PHACTR2: variants seen among roughly 807,000 people sequenced by gnomAD.
The protein encoded by PHACTR2 is phosphatase and actin regulator 2.
PHACTR2 carries 30 observed loss-of-function variants against 76.0 expected under a neutral mutation model. The observed-to-expected ratio is 0.39, with a 90% CI of 0.30 to 0.54. The LOEUF is 0.54. Ranked by LOEUF, PHACTR2 falls within the 20% of genes least tolerant of loss-of-function variation. The pLI is 0.61. For missense variants in PHACTR2, 696 were observed against 781.1 expected, an observed-to-expected ratio of 0.89 and a Z score of 1.30; for synonymous variants, 292 against 292.5, an observed-to-expected ratio of 1.00 and a Z score of 0.02.
intron 1 of PHACTR2, among the ~76,000 whole-genome samples, chr6:143,661,687 C>T (rs1227778820): frequency 1.3e-5 from 2 of 151,756 alleles, no homozygotes; most frequent in Non-Finnish European, 2.9e-5. Context: ...TCCCAAGTAG[C>T]TGGGACTACA....
chr6:143,798,236 G>A (rs576487555), intron 11 of PHACTR2, among the ~76,000 whole-genome samples: 1 of 152,244 alleles, frequency 6.6e-6, no homozygotes, highest in East Asian at 1.9e-4. Context: ...TGTGATTTTT[G>A]CACATTGATT....
chr6:143,605,571 G>A (rs1370120210), upstream of PHACTR2, among the ~76,000 whole-genome samples: 1 of 152,156 alleles, frequency 6.6e-6, no homozygotes, highest in Non-Finnish European at 1.5e-5. This position sits in a 1 kb window ranked among gnomAD's most constrained non-coding sequence, Gnocchi z 5.0. Flanking sequence ...CAGTGGTGGA[G>A]CCAGTTACCA....
intron 6 of PHACTR2, among the ~76,000 whole-genome samples, chr6:143,768,913 T>G (rs1775027467): frequency 6.6e-6 from 1 of 152,226 alleles, no homozygotes; most frequent in Admixed American, 6.5e-5. Context: ...TGCTCTTGAA[T>G]TAATGAACCT....
chr6:143,661,502 A>G (rs1477835483), intron 1 of PHACTR2, among the ~76,000 whole-genome samples: 1 of 152,018 alleles, frequency 6.6e-6, no homozygotes, highest in African/African-American at 2.4e-5. Flanking sequence ...TAAAATAAAA[A>G]AGCTTTTAGG....
At chr6:143,569,238 C>T (rs1775410315) in intron 1 of PHACTR2, among the ~76,000 whole-genome samples, 1 of 152,148 alleles carries the variant, frequency 6.6e-6, no homozygotes, top group South Asian at 2.1e-4. Flanking sequence ...GAAGCTCGTG[C>T]ATAATTCTCC....
chr6:143,631,201 G>A (rs960706196), intron 1 of PHACTR2, among the ~76,000 whole-genome samples: 1 of 151,832 alleles, frequency 6.6e-6, no homozygotes, highest in African/African-American at 2.4e-5. Flanking sequence ...TTATTCATTT[G>A]TTTTTTAGAG....
chr6:143,593,263 G>T (rs937292623), intron 1 of PHACTR2, among the ~76,000 whole-genome samples: 2 of 152,086 alleles, frequency 1.3e-5, no homozygotes, highest in Admixed American at 1.3e-4. Flanking sequence ...TGGCCAGACA[G>T]TTGCTATGCC....
rs1778106269 is a variant in PHACTR2 at position 143,708,748 on chromosome 6, G to A, written c.47-3268G>A. Among the ~76,000 whole-genome samples, 1 of 152,142 alleles carries A rather than the reference G, an allele frequency of 6.6e-6. No individual in the cohort carries two copies. Among genetic ancestry groups the A allele is most frequent in the South Asian group, 2.1e-4 (1 of 4,826 alleles). ...TTAAGAGAAGTACAATGGCACATCG[G>A]CCAACTGTGCCAACATATGGTTTCT... On this transcript the variant is annotated intron_variant, in intron 1 of 12. Transcript: ENST00000440869. This position sits in a 1 kb window ranked among gnomAD's most constrained non-coding sequence, Gnocchi z 5.5.
At chr6:143,676,942 C>T (rs1031181886), upstream of PHACTR2, among the ~76,000 whole-genome samples, 1 of 151,834 alleles carries the variant, frequency 6.6e-6, no homozygotes. This position sits in a 1 kb window ranked among gnomAD's most constrained non-coding sequence, Gnocchi z 4.8. Flanking sequence ...AGGCTCTGCA[C>T]GATCTTAATA....
chr6:143,642,204 A>G (rs2128444276), intron 1 of PHACTR2, among the ~76,000 whole-genome samples: 1 of 152,272 alleles, frequency 6.6e-6, no homozygotes, highest in Non-Finnish European at 1.5e-5. Flanking sequence ...ATTATTTGTA[A>G]TTTCCTCTTG....
rs1275065569 is a variant in PHACTR2 at position 143,822,294 on chromosome 6, C to G, written c.1923-1380C>G. Among the ~76,000 whole-genome samples, 2 of 152,202 alleles carry G rather than the reference C, an allele frequency of 1.3e-5. No homozygotes were observed. The highest frequency in any genetic ancestry group is 2.9e-5 in the Non-Finnish European group (2 of 68,036). Reference sequence around the variant, plus strand: ...CCTCCCACCTCAACCTCCCAAGCAGCTGGGATTACAGGTGTATGCTACCAT... The same window carrying G: ...CCTCCCACCTCAACCTCCCAAGCAGGTGGGATTACAGGTGTATGCTACCAT... On this transcript the variant is annotated intron_variant, in intron 12 of 12. Coordinates refer to ENST00000440869, the MANE Select transcript of PHACTR2 (RefSeq NM_001100164.2). The surrounding 1 kb of genome is among the most constrained non-coding windows in gnomAD (Gnocchi z 5.5).
chr6:143,768,597 T>C (rs1412552507), intron 6 of PHACTR2, among the ~76,000 whole-genome samples: 1 of 152,228 alleles, frequency 6.6e-6, no homozygotes, highest in East Asian at 1.9e-4. Context: ...TCCACAAATA[T>C]TTAAGGAGTT....
chr6:143,586,203 T>C (rs1301020689), intron 1 of PHACTR2, among the ~76,000 whole-genome samples: 1 of 134,972 alleles, frequency 7.4e-6, no homozygotes, highest in Admixed American at 7.2e-5. Context: ...GCTGCAAGTG[T>C]AGAAAAAGAG....
At chr6:143,804,134 G>A (rs76161414) in intron 11 of PHACTR2, among the ~76,000 whole-genome samples, 1,841 of 152,208 alleles carry the variant, frequency 0.012, 38 homozygotes, top group African/African-American at 0.043. Flanking sequence ...GGAAGGGCTC[G>A]GCCCAGCAGT....
chr6:143,635,488 G>A (rs549999045), intron 1 of PHACTR2, among the ~76,000 whole-genome samples: 4 of 152,280 alleles, frequency 2.6e-5, no homozygotes, highest in African/African-American at 9.6e-5. Context: ...AGATACTGCC[G>A]AGTTTTCCTT....
Position 143,772,312 on chromosome 6 carries a change from G to A in PHACTR2, c.1287G>A (p.Gly429=), listed in dbSNP as rs753367213. Residue 429 remains glycine, a synonymous_variant, in exon 7 of 13, where the codon GGG becomes GGA. Coordinates refer to ENST00000440869, the MANE Select transcript of PHACTR2 (RefSeq NM_001100164.2). The surrounding 1 kb of genome is among the most constrained non-coding windows in gnomAD (Gnocchi z 5.4). ...CAGTGCCTCAGCTACTGACTCCTGGGCTGATGGGCGAATCTTCAGAATCCT... is the reference window on the plus strand; with the variant it reads ...CAGTGCCTCAGCTACTGACTCCTGGACTGATGGGCGAATCTTCAGAATCCT... The part of the protein sequence containing the change: ...GKTVPQLLTP[G]LMGESSESFS... 3.7e-6 allele frequency: 6 copies of A among 1,613,956 alleles called. No homozygotes were observed. The highest frequency in any genetic ancestry group is 4.2e-6 in the Non-Finnish European group (5 of 1,179,970).
chr6:143,823,663 T>A lies in PHACTR2; in HGVS notation c.1923-11T>A, dbSNP rs1353015414. 6.2e-7 allele frequency: 1 copy of A among 1,610,342 alleles called. No homozygotes were observed. Among genetic ancestry groups the A allele is most frequent in the Non-Finnish European group, 8.5e-7 (1 of 1,176,744 alleles). Reference sequence around the variant, plus strand: ...AGGCCACAGGCTTATAGTTTCTATTTCTTACTCCAGGTTTCATCGTCCATA... The same window carrying A: ...AGGCCACAGGCTTATAGTTTCTATTACTTACTCCAGGTTTCATCGTCCATA... On this transcript the variant is annotated splice_polypyrimidine_tract_variant and intron_variant, in intron 12 of 12. Coordinates refer to ENST00000440869, the MANE Select transcript of PHACTR2 (RefSeq NM_001100164.2). The surrounding 1 kb of genome is among the most constrained non-coding windows in gnomAD (Gnocchi z 5.7).
rs1776905476 is a variant in PHACTR2, at chr6:143,659,271, T to G, written c.13+50949T>G. 6.6e-6 allele frequency among the ~76,000 whole-genome samples: 1 copy of G among 152,232 alleles called. No homozygotes were observed. Among genetic ancestry groups the G allele is most frequent in the Non-Finnish European group, 1.5e-5 (1 of 68,044 alleles). The stretch of plus-strand genomic sequence containing the variant: ...CTTAGCTTATTGTAACTTTTTTACT[T>G]TATAAACTTTAAAAATTTTTTAAAC... On this transcript the variant is annotated intron_variant, in intron 1 of 11. Coordinates refer to the PHACTR2 transcript ENST00000305766. This position sits in a 1 kb window ranked among gnomAD's most constrained non-coding sequence, Gnocchi z 5.0.
upstream of PHACTR2, among the ~76,000 whole-genome samples, chr6:143,676,806 A>C (rs1777257722): frequency 6.6e-6 from 1 of 152,178 alleles, no homozygotes; most frequent in South Asian, 2.1e-4. The surrounding 1 kb of genome is among the most constrained non-coding windows in gnomAD (Gnocchi z 4.8). Context: ...ACAATGGATC[A>C]CACTTTTTTA....
Sources: allele counts gnomAD v4.1 joint callset (sites outside exome capture counted in the v4.1 genomes callset), GRCh38; gene constraint gnomAD v4.1.1; non-coding constraint Gnocchi (gnomAD v3.1); transcripts MANE v1.5; gene names NCBI Gene and HGNC (gene_info 2026-07-23, HGNC 2026-07-21).